PRPS1L1: variants seen among roughly 807,000 people sequenced by gnomAD.
PRPS1L1 encodes the protein ribose-phosphate pyrophosphokinase 3.
In PRPS1L1, 12 loss-of-function variants were observed where a neutral mutation model predicts 16.4. That is an observed-to-expected ratio of 0.73 (90% CI 0.47 to 1.19). The LOEUF (loss-of-function observed/expected upper bound fraction) is 1.19, where lower values mean the gene tolerates loss of function less well. PRPS1L1 is among the 50% of genes most tolerant of loss of function. The pLI, the probability that PRPS1L1 is intolerant of heterozygous loss-of-function variation, is 0.00. For synonymous variants in PRPS1L1, 153 were observed against 142.5 expected, an observed-to-expected ratio of 1.07 and a Z score of -0.53; for missense variants, 408 against 395.8, an observed-to-expected ratio of 1.03 and a Z score of -0.26.
In PRPS1L1 at chr7:18,027,082, T is replaced by G. The variant is rs529176617; in HGVS notation, c.701A>C (p.Asp234Ala). 68 of 1,614,248 alleles carry G rather than the reference T, an allele frequency of 4.2e-5. No individual in the cohort carries two copies. In the South Asian group the frequency reaches 6.9e-4, roughly 16 times the overall value. Residue 234 changes from aspartate to alanine, a missense_variant, in exon 1 of 1, where the codon GAC (aspartate) becomes GCC (alanine). Asp to Ala is a moderately radical substitution (Grantham distance 126). Coordinates refer to ENST00000506618, the MANE Select transcript of PRPS1L1 (RefSeq NM_175886.3). ...GGTTGCTCCAGCTGAGAGAAGTTTG[T>G]CAGCTGCGAGGCAGATTGTAACACA... is the stretch of plus-strand genomic sequence containing the variant.
chr7:18,027,816 A>T lies in PRPS1L1; in HGVS notation c.-34T>A, dbSNP rs755709481. ...ACTACCAGAGGCACTCCGTCGAGCG[A>T]TCCAGCTGCCGCTGAGGCTGGAACG... On this transcript the variant is annotated 5_prime_UTR_variant, in exon 1 of 1. Transcript: ENST00000506618. The T allele has an allele frequency of 1.9e-6, 3 of 1,599,638 alleles. No individual in the cohort carries two copies. Among genetic ancestry groups the T allele is most frequent in the Non-Finnish European group, 2.6e-6 (3 of 1,167,510 alleles).
chr7:18,026,825 G>A lies in PRPS1L1; in HGVS notation c.*1C>T, dbSNP rs759616527. On this transcript the variant is annotated 3_prime_UTR_variant, in exon 1 of 1. Transcript: ENST00000506618. Reference sequence around the variant, plus strand: ...AATAGCATAACCTAGAAGTTATTCTGTTATAAAGGAACATGGCTGAACAGG... The same window carrying A: ...AATAGCATAACCTAGAAGTTATTCTATTATAAAGGAACATGGCTGAACAGG... The A allele has an allele frequency of 1.2e-5, 18 of 1,564,502 alleles. No homozygotes were observed. In the Admixed American group the frequency reaches 3.2e-4, roughly 28 times the overall value.
Position 18,027,822 on chromosome 7 carries a change from C to T in PRPS1L1, c.-40G>A. On this transcript the variant is annotated 5_prime_UTR_variant, in exon 1 of 1. Transcript: ENST00000506618. ...AGAGGCACTCCGTCGAGCGATCCAGCTGCCGCTGAGGCTGGAACGGAAGTG... is the reference window on the plus strand; with the variant it reads ...AGAGGCACTCCGTCGAGCGATCCAGTTGCCGCTGAGGCTGGAACGGAAGTG... 6.3e-7 allele frequency: 1 copy of T among 1,593,498 alleles called. No homozygotes were observed. Among genetic ancestry groups the T allele is most frequent in the Non-Finnish European group, 8.6e-7 (1 of 1,162,718 alleles).
Position 18,027,638 on chromosome 7 carries a change from G to T in PRPS1L1, c.145C>A (p.Arg49Ser), listed in dbSNP as rs112075478. ...TGAACGATGTAGACATCCTCTCCAC[G>T]CACACTCTCATCAATTTCCACGCAG... The change falls in exon 1 of 1, where the codon CGT (arginine) becomes AGT (serine). Residue 49 changes from arginine to serine, a missense_variant. Physicochemically the swap from Arg to Ser is moderately radical, Grantham distance 110. Transcript: ENST00000506618. The T allele has an allele frequency of 3.3e-5, 53 of 1,613,838 alleles. No homozygotes were observed. The highest frequency in any genetic ancestry group is 3.9e-5 in the Non-Finnish European group (46 of 1,180,014).
Position 18,027,351 on chromosome 7 carries a change from G to T in PRPS1L1, c.432C>A (p.Asn144Lys). ...TCAGGACAGTTGGCTCTGCATACAA[G>T]TTGTCTACTGGGATATCAAAAAAGC... Residue 144 changes from asparagine to lysine, a missense_variant, in exon 1 of 1, where the codon AAC becomes AAA. Transcript: ENST00000506618. 6.2e-7 allele frequency: 1 copy of T among 1,613,636 alleles called. No homozygotes were observed. The highest frequency in any genetic ancestry group is 8.5e-7 in the Non-Finnish European group (1 of 1,179,650).
At position 18,027,048 on chromosome 7, in the gene PRPS1L1, A is replaced by G. The variant is rs1176807189; in HGVS notation, c.735T>C (p.Tyr245=). Reference sequence around the variant, plus strand: ...AAAAGATTCCATGAGTCAAGATAGCATAAACTCTGGTTGCTCCAGCTGAGA... The same window carrying G: ...AAAAGATTCCATGAGTCAAGATAGCGTAAACTCTGGTTGCTCCAGCTGAGA... The change falls in exon 1 of 1, where the codon TAT becomes TAC. Residue 245 remains tyrosine, a synonymous_variant. Coordinates refer to ENST00000506618, the MANE Select transcript of PRPS1L1 (RefSeq NM_175886.3). 1 of 1,614,262 alleles carries G rather than the reference A, an allele frequency of 6.2e-7. No homozygotes were observed. The highest frequency in any genetic ancestry group is 8.5e-7 in the Non-Finnish European group (1 of 1,180,036).
rs371966909 is a variant in PRPS1L1 at position 18,027,544 on chromosome 7, G to A, written c.239C>T (p.Ala80Val). Residue 80 changes from alanine to valine, a missense_variant, in exon 1 of 1, where the codon GCT becomes GTT. By Grantham distance (64) the Ala-to-Val change is moderately conservative. Coordinates refer to ENST00000506618, the MANE Select transcript of PRPS1L1 (RefSeq NM_175886.3). ...GACTGCAGTAACTCGGCTAGCTGAA[G>A]CAATCTTGCAGGCATTAATCATGAT... The A allele has an allele frequency of 3.3e-5, 54 of 1,614,146 alleles. No homozygotes were observed. The African/African-American group carries it at 7.2e-4, about 22-fold the overall frequency.
Position 18,027,103 on chromosome 7 carries a change from A to G in PRPS1L1, c.680T>C (p.Val227Ala). 6.2e-7 allele frequency: 1 copy of G among 1,614,222 alleles called. No individual in the cohort carries two copies. The change falls in exon 1 of 1, where the codon GTT (valine) becomes GCT (alanine). Residue 227 changes from valine (V) to alanine (A), a missense_variant. By Grantham distance (64) the Val-to-Ala change is moderately conservative. Transcript: ENST00000506618. Reference sequence around the variant, plus strand: ...TTTGTCAGCTGCGAGGCAGATTGTAACACAAGTGTCTGCCATGTCATCTAC... The same window carrying G: ...TTTGTCAGCTGCGAGGCAGATTGTAGCACAAGTGTCTGCCATGTCATCTAC...
chr7:18,027,017 G>A lies in PRPS1L1; in HGVS notation c.766C>T (p.Pro256Ser), dbSNP rs377333030. The A allele has an allele frequency of 4.3e-6, 7 of 1,613,986 alleles. No individual in the cohort carries two copies. The highest frequency in any genetic ancestry group is 5.9e-6 in the Non-Finnish European group (7 of 1,180,024). The change falls in exon 1 of 1, where the codon CCA (proline) becomes TCA (serine). Residue 256 changes from proline to serine, a missense_variant. Physicochemically the swap from Pro to Ser is moderately conservative, Grantham distance 74. Transcript: ENST00000506618. Reference sequence around the variant, plus strand: ...GCAGTGTTGATGCGAGAAATGGCTGGGCCAGAAAAGATTCCATGAGTCAAG... The same window carrying A: ...GCAGTGTTGATGCGAGAAATGGCTGAGCCAGAAAAGATTCCATGAGTCAAG...
chr7:18,027,779 G>C lies in PRPS1L1; in HGVS notation c.4C>G (p.Pro2Ala). 1 of 1,614,084 alleles carries C rather than the reference G, an allele frequency of 6.2e-7. No homozygotes were observed. The highest frequency in any genetic ancestry group is 1.6e-4 in the Middle Eastern group (1 of 6,062). ...CTGCCGCTGAAGATTTTGATATTCG[G>C]CGTCTTGGCCAACTACCAGAGGCAC... Residue 2 changes from proline (P) to alanine (A), a missense_variant, in exon 1 of 1, where the codon CCG becomes GCG. Physicochemically the swap from Pro to Ala is conservative, Grantham distance 27. Coordinates refer to ENST00000506618, the MANE Select transcript of PRPS1L1 (RefSeq NM_175886.3).
chr7:18,027,567 G>T lies in PRPS1L1; in HGVS notation c.216C>A (p.Ile72=). 1 of 1,614,106 alleles carries T rather than the reference G, an allele frequency of 6.2e-7. No homozygotes were observed. The highest frequency in any genetic ancestry group is 8.5e-7 in the Non-Finnish European group (1 of 1,180,032). ...AAGCAATCTTGCAGGCATTAATCATGATCAAAAGCTCCATTAGACTGTCGT... is the reference window on the plus strand; with the variant it reads ...AAGCAATCTTGCAGGCATTAATCATTATCAAAAGCTCCATTAGACTGTCGT... The change falls in exon 1 of 1, where the codon ATC becomes ATA. Residue 72 remains isoleucine, a synonymous_variant. Coordinates refer to ENST00000506618, the MANE Select transcript of PRPS1L1 (RefSeq NM_175886.3).
chr7:18,027,644 T>A lies in PRPS1L1; in HGVS notation c.139A>T (p.Ser47Cys), dbSNP rs1782210062. Reference sequence around the variant, plus strand: ...ATGTAGACATCCTCTCCACGCACACTCTCATCAATTTCCACGCAGGTCTCC... The same window carrying A: ...ATGTAGACATCCTCTCCACGCACACACTCATCAATTTCCACGCAGGTCTCC... Residue 47 changes from serine to cysteine, a missense_variant, in exon 1 of 1, where the codon AGT becomes TGT. Coordinates refer to ENST00000506618, the MANE Select transcript of PRPS1L1 (RefSeq NM_175886.3). The A allele has an allele frequency of 1.9e-6, 3 of 1,614,030 alleles. No individual in the cohort carries two copies. In the South Asian group the frequency reaches 3.3e-5, roughly 18 times the overall value.
In PRPS1L1 at chr7:18,027,652, A is replaced by T; in HGVS notation, c.131T>A (p.Ile44Asn). The change falls in exon 1 of 1, where the codon ATT becomes AAT. Residue 44 changes from isoleucine (I) to asparagine (N), a missense_variant. Coordinates refer to ENST00000506618, the MANE Select transcript of PRPS1L1 (RefSeq NM_175886.3). ...ATCCTCTCCACGCACACTCTCATCA[A>T]TTTCCACGCAGGTCTCCTGGTTGCT... is the stretch of plus-strand genomic sequence containing the variant. 1 of 1,613,958 alleles carries T rather than the reference A, an allele frequency of 6.2e-7. No homozygotes were observed. The highest frequency in any genetic ancestry group is 8.5e-7 in the Non-Finnish European group (1 of 1,180,000).
In PRPS1L1 at chr7:18,027,637, C is replaced by A; in HGVS notation, c.146G>T (p.Arg49Leu). The change falls in exon 1 of 1, where the codon CGT becomes CTT. Residue 49 changes from arginine (R) to leucine (L), a missense_variant. By Grantham distance (102) the Arg-to-Leu change is moderately radical (BLOSUM62 -2). Coordinates refer to ENST00000506618, the MANE Select transcript of PRPS1L1 (RefSeq NM_175886.3). ...CTGAACGATGTAGACATCCTCTCCA[C>A]GCACACTCTCATCAATTTCCACGCA... is the stretch of plus-strand genomic sequence containing the variant. 1 of 1,614,104 alleles carries A rather than the reference C, an allele frequency of 6.2e-7. No homozygotes were observed. The highest frequency in any genetic ancestry group is 1.3e-5 in the African/African-American group (1 of 75,026).
rs1302197891 is a variant in PRPS1L1 at position 18,027,344 on chromosome 7, C to A, written c.439G>T (p.Ala147Ser). ...ATCCACTTCAGGACAGTTGGCTCTG[C>A]ATACAAGTTGTCTACTGGGATATCA... is the stretch of plus-strand genomic sequence containing the variant. Residue 147 changes from alanine to serine, a missense_variant, in exon 1 of 1, where the codon GCA (alanine) becomes TCA (serine). By Grantham distance (99) the Ala-to-Ser change is moderately conservative. Transcript: ENST00000506618. The A allele has an allele frequency of 6.2e-7, 1 of 1,614,016 alleles. No individual in the cohort carries two copies. The highest frequency in any genetic ancestry group is 1.3e-5 in the African/African-American group (1 of 74,932).
Position 18,026,868 on chromosome 7 carries a change from A to C in PRPS1L1, c.915T>G (p.Asn305Lys). Residue 305 changes from asparagine to lysine, a missense_variant, in exon 1 of 1, where the codon AAT becomes AAG. By Grantham distance (94) the Asn-to-Lys change is moderately conservative. Transcript: ENST00000506618. ...TGAACAGGTAGGAAACAGATTCCCCATTATGAGTTCTCCTTATGGCTTCTG... is the reference window on the plus strand; with the variant it reads ...TGAACAGGTAGGAAACAGATTCCCCCTTATGAGTTCTCCTTATGGCTTCTG... The C allele has an allele frequency of 6.2e-7, 1 of 1,612,492 alleles. No individual in the cohort carries two copies. The highest frequency in any genetic ancestry group is 2.2e-5 in the East Asian group (1 of 44,876).
Position 18,027,631 on chromosome 7 carries a change from T to A in PRPS1L1, c.152A>T (p.Glu51Val). 1 of 1,614,070 alleles carries A rather than the reference T, an allele frequency of 6.2e-7. No individual in the cohort carries two copies. Residue 51 changes from glutamate to valine, a missense_variant, in exon 1 of 1, where the codon GAG becomes GTG. Transcript: ENST00000506618. ...ACCACTCTGAACGATGTAGACATCCTCTCCACGCACACTCTCATCAATTTC... is the reference window on the plus strand; with the variant it reads ...ACCACTCTGAACGATGTAGACATCCACTCCACGCACACTCTCATCAATTTC...
Position 18,026,858 on chromosome 7 carries a change from CAG to C in PRPS1L1, c.923_924del (p.Ser308CysfsTer14). On this transcript the variant is annotated frameshift_variant, in exon 1 of 1. Transcript: ENST00000506618. LOFTEE classifies it high-confidence loss of function. Reference sequence around the variant, plus strand: ...GGAACATGGCTGAACAGGTAGGAAACAGATTCCCCATTATGAGTTCTCCTTAT... The same window carrying C: ...GGAACATGGCTGAACAGGTAGGAAACATTCCCCATTATGAGTTCTCCTTAT... The C allele has an allele frequency of 6.2e-7, 1 of 1,609,892 alleles. No individual in the cohort carries two copies. Among genetic ancestry groups the C allele is most frequent in the East Asian group, 2.2e-5 (1 of 44,856 alleles).
Position 18,027,417 on chromosome 7 carries a change from A to G in PRPS1L1, c.366T>C (p.Asp122=). The change falls in exon 1 of 1, where the codon GAT becomes GAC. Residue 122 remains aspartate, a synonymous_variant. Coordinates refer to ENST00000506618, the MANE Select transcript of PRPS1L1 (RefSeq NM_175886.3). The stretch of plus-strand genomic sequence containing the variant: ...CATGTAGGTCCATGGTGATGATATG[A>G]TCCGCACCTGCTATAGAGAGCATAT... 1 of 1,614,188 alleles carries G rather than the reference A, an allele frequency of 6.2e-7. No homozygotes were observed. The highest frequency in any genetic ancestry group is 8.5e-7 in the Non-Finnish European group (1 of 1,180,032).
Sources: allele counts gnomAD v4.1 joint callset, GRCh38; gene constraint gnomAD v4.1.1; transcripts MANE v1.5; gene names NCBI Gene and HGNC (gene_info 2026-07-23, HGNC 2026-07-21).